The following KANK4 variants were observed in gnomAD, a reference collection of about 807,000 sequenced individuals.
KANK4 encodes KN motif and ankyrin repeat domains 4, also known as KN motif and ankyrin repeat domain-containing protein 4.
In KANK4, 50 loss-of-function variants were observed where a neutral mutation model predicts 80.8. The ratio of observed to expected loss-of-function variants is 0.62; its 90% CI spans 0.49 to 0.78. The LOEUF is 0.78. KANK4 is among the 30% of genes least tolerant of loss of function. The probability of loss-of-function intolerance (pLI) is 0.00; values close to 1 mark genes in which losing one functional copy is unlikely to be tolerated. For synonymous variants in KANK4, 465 were observed against 506.9 expected (o/e 0.92, Z 1.11); for missense variants, 1,196 against 1,240.1 (o/e 0.96, Z 0.53).
chr1:62,265,738 T>G (rs1429631212), intron 6 of KANK4, among the ~76,000 whole-genome samples: 1 of 152,206 alleles, frequency 6.6e-6, no homozygotes, highest in Non-Finnish European at 1.5e-5. Flanking sequence ...CTCTCATAAC[T>G]TGGGAAAATG....
intron 2 of KANK4, among the ~76,000 whole-genome samples, chr1:62,278,535 G>A (rs1440657937): frequency 6.7e-6 from 1 of 150,150 alleles, no homozygotes; most frequent in Non-Finnish European, 1.5e-5. Flanking sequence ...TGGGATTACA[G>A]GTGCGTGCCA....
At chr1:62,238,818 CG>C (rs1671271831) in intron 9 of KANK4, among the ~76,000 whole-genome samples, 1 of 151,960 alleles carries the variant, frequency 6.6e-6, no homozygotes, top group Admixed American at 6.6e-5. Flanking sequence ...TTTGTAGAGA[CG>C]GGGTGTCACC....
At position 62,247,655 on chromosome 1, in the gene KANK4, C is replaced by T; in HGVS notation, c.2700G>A (p.Leu900=). The T allele has an allele frequency of 6.2e-7, 1 of 1,613,786 alleles. No homozygotes were observed. The highest frequency in any genetic ancestry group is 8.5e-7 in the Non-Finnish European group (1 of 1,180,032). The change falls in exon 9 of 10, where the codon CTG becomes CTA. Residue 900 remains leucine (L), a synonymous_variant. Transcript: ENST00000371153. The part of the protein sequence containing the change: ...IQATQGGQTA[L]MLGVSHDRED... ...CCCTGTCGTGGCTGACTCCCAGCAT[C>T]AGCGCAGTCTGGCCTCCCTGCATGC... is the stretch of plus-strand genomic sequence containing the variant.
intron 4 of KANK4, among the ~76,000 whole-genome samples, 180 bp downstream of exon 4, chr1:62,271,298 C>A (rs530658505): frequency 6.6e-6 from 1 of 152,308 alleles, no homozygotes; most frequent in East Asian, 1.9e-4. Flanking sequence ...AACAGACCAC[C>A]ACAGCTGGCA....
At chr1:62,310,478 G>T (rs1037537282) in intron 1 of KANK4, among the ~76,000 whole-genome samples, 1 of 152,180 alleles carries the variant, frequency 6.6e-6, no homozygotes, top group African/African-American at 2.4e-5. Context: ...GGGTTTGGGG[G>T]GCTGGGGTGC....
At chr1:62,241,953 C>T (rs1054887562) in intron 9 of KANK4, among the ~76,000 whole-genome samples, 1 of 152,180 alleles carries the variant, frequency 6.6e-6, no homozygotes, top group East Asian at 1.9e-4. Flanking sequence ...CGACTGCAGA[C>T]ATGGAGAGCA....
chr1:62,287,872 A>G (rs1672602264), intron 1 of KANK4, among the ~76,000 whole-genome samples: 1 of 152,190 alleles, frequency 6.6e-6, no homozygotes, highest in South Asian at 2.1e-4. Flanking sequence ...CAGTTAGCTG[A>G]GTACGCAGAC....
intron 1 of KANK4, among the ~76,000 whole-genome samples, chr1:62,312,696 G>A (rs1229682898): frequency 6.6e-6 from 1 of 152,250 alleles, no homozygotes; most frequent in Non-Finnish European, 1.5e-5. Context: ...CACCTGCCAA[G>A]ACAGAGACTG....
At chr1:62,297,416 C>T (rs1312833258) in intron 1 of KANK4, among the ~76,000 whole-genome samples, 1 of 152,074 alleles carries the variant, frequency 6.6e-6, no homozygotes, top group Non-Finnish European at 1.5e-5. Flanking sequence ...TTCAGGGGCA[C>T]AAATCTAGTA....
At chr1:62,318,000 T>C (rs1024146417) in intron 1 of KANK4, among the ~76,000 whole-genome samples, 12 of 152,274 alleles carry the variant, frequency 7.9e-5, no homozygotes, top group African/African-American at 2.9e-4. Context: ...AAAGGCAGTA[T>C]TAGAACGGAC....
At chr1:62,301,292 G>C (rs1258101038) in intron 1 of KANK4, among the ~76,000 whole-genome samples, 1 of 152,036 alleles carries the variant, frequency 6.6e-6, no homozygotes, top group Non-Finnish European at 1.5e-5. Flanking sequence ...ATGTGTGCAC[G>C]CTCCTACTAC....
intron 1 of KANK4, among the ~76,000 whole-genome samples, chr1:62,284,257 A>G (rs1672514032): frequency 6.6e-6 from 1 of 152,218 alleles, no homozygotes; most frequent in Admixed American, 6.5e-5. Context: ...CAACATATGC[A>G]TGCTACCTTG....
chr1:62,292,846 TATA>T (rs1672706311), intron 1 of KANK4, among the ~76,000 whole-genome samples: 1 of 152,194 alleles, frequency 6.6e-6, no homozygotes, highest in African/African-American at 2.4e-5. Flanking sequence ...GCTTTTCCTA[TATA>T]TTGAGACCTT....
chr1:62,246,052 T>C (rs181811230), intron 9 of KANK4, among the ~76,000 whole-genome samples: 34 of 152,266 alleles, frequency 2.2e-4, no homozygotes, highest in Admixed American at 7.2e-4. Flanking sequence ...TGCCTCCGTC[T>C]CCTTGAGCAA....
At chr1:62,251,749 T>A (rs916954292) in intron 8 of KANK4, among the ~76,000 whole-genome samples, 2 of 152,188 alleles carry the variant, frequency 1.3e-5, no homozygotes, top group South Asian at 4.1e-4. Context: ...ATCTCAGCAC[T>A]TTGAAAGCCC....
At chr1:62,273,123 T>G in intron 3 of KANK4, 81 bp downstream of exon 3, 2 of 1,019,312 alleles carry the variant, frequency 2.0e-6, no homozygotes, top group Non-Finnish European at 2.8e-6. Flanking sequence ...GTTAATATAA[T>G]TGAAAACCTT....
chr1:62,297,099 C>T (rs1644372757), intron 1 of KANK4, among the ~76,000 whole-genome samples: 1 of 151,958 alleles, frequency 6.6e-6, no homozygotes, highest in Admixed American at 6.6e-5. Flanking sequence ...CACCGATAGT[C>T]CCAGCTACTC....
chr1:62,289,316 C>T (rs998171408), intron 1 of KANK4, among the ~76,000 whole-genome samples: 1 of 152,156 alleles, frequency 6.6e-6, no homozygotes, highest in Non-Finnish European at 1.5e-5. Context: ...CCATCAGAGC[C>T]AAGATTTGAA....
At chr1:62,280,131 T>A (rs1404656392) in intron 2 of KANK4, among the ~76,000 whole-genome samples, 1 of 151,782 alleles carries the variant, frequency 6.6e-6, no homozygotes, top group Non-Finnish European at 1.5e-5. Context: ...CTGAAGTAAA[T>A]GGGGAAAAAC....
Sources: allele counts gnomAD v4.1 joint callset (sites outside exome capture counted in the v4.1 genomes callset), GRCh38; gene constraint gnomAD v4.1.1; transcripts MANE v1.5; gene names NCBI Gene and HGNC (gene_info 2026-07-23, HGNC 2026-07-21).